Variants in SGCD observed in about 807,000 individuals in gnomAD.
SGCD encodes delta-sarcoglycan.
SGCD carries 18 observed loss-of-function variants against 36.6 expected under a neutral mutation model. The ratio of observed to expected loss-of-function variants is 0.49; its 90% CI spans 0.34 to 0.73. The LOEUF is 0.73. Among genes scored for constraint, SGCD ranks in the 30% least tolerant of loss-of-function variants. The pLI, the probability that SGCD is intolerant of heterozygous loss-of-function variation, is 0.01. For missense variants in SGCD, 387 were observed against 346.7 expected (o/e 1.12, Z -0.92); for synonymous variants, 133 against 130.6 (o/e 1.02, Z -0.12).
chr5:156,718,380 T>C (rs1412369999), intron 7 of SGCD, among the ~76,000 whole-genome samples: 2 of 152,202 alleles, frequency 1.3e-5, no homozygotes, highest in African/African-American at 4.8e-5. Flanking sequence ...CTGTAACTTG[T>C]TGGTTCAAAG....
intron 7 of SGCD, among the ~76,000 whole-genome samples, chr5:156,696,047 C>A (rs1455959782): frequency 6.6e-6 from 1 of 152,206 alleles, no homozygotes; most frequent in African/African-American, 2.4e-5. Flanking sequence ...CCATTTACAA[C>A]CTGTTCTGGG....
At chr5:156,084,466 C>T (rs1581089341) in intron 1 of SGCD, among the ~76,000 whole-genome samples, 1 of 152,114 alleles carries the variant, frequency 6.6e-6, no homozygotes, top group Admixed American at 6.6e-5. Flanking sequence ...CAAGTACCAA[C>T]CAGGCTAGAT....
At chr5:156,190,406 A>G (rs968870881) in intron 3 of SGCD, among the ~76,000 whole-genome samples, 4 of 152,132 alleles carry the variant, frequency 2.6e-5, no homozygotes, top group Non-Finnish European at 5.9e-5. Context: ...AACTGCTAAT[A>G]GTTGTTAACT....
intron 3 of SGCD, among the ~76,000 whole-genome samples, chr5:156,169,770 C>G (rs1160157284): frequency 6.6e-6 from 1 of 151,836 alleles, no homozygotes; most frequent in Non-Finnish European, 1.5e-5. Flanking sequence ...TGCAAAGGCT[C>G]TGAGGTTCCG....
chr5:155,780,029 G>A, the SGCD span, among the ~76,000 whole-genome samples: 1 of 152,192 alleles, frequency 6.6e-6, no homozygotes, highest in African/African-American at 2.4e-5. Context: ...TGAAAAAAAT[G>A]TTATTCTTAG....
chr5:156,059,020 T>C (rs985299313), intron 1 of SGCD, among the ~76,000 whole-genome samples: 1 of 146,326 alleles, frequency 6.8e-6, no homozygotes, highest in East Asian at 1.9e-4. Flanking sequence ...GCACTGCAAA[T>C]TGTAACAGCA....
chr5:156,019,470 G>T (rs113304688), intron 1 of SGCD, among the ~76,000 whole-genome samples: 1 of 152,062 alleles, frequency 6.6e-6, no homozygotes, highest in South Asian at 2.1e-4. Flanking sequence ...CTTTCATTTA[G>T]CAGGCAAAAT....
intron 6 of SGCD, among the ~76,000 whole-genome samples, chr5:156,610,513 T>G (rs2113457912): frequency 6.6e-6 from 1 of 152,390 alleles, no homozygotes; most frequent in Non-Finnish European, 1.5e-5. Flanking sequence ...GGGGGCAGTC[T>G]GTCCGTTCTC....
intron 1 of SGCD, among the ~76,000 whole-genome samples, chr5:155,992,660 A>G (rs1581031401): frequency 6.6e-6 from 1 of 152,302 alleles, no homozygotes; most frequent in Middle Eastern, 3.4e-3. Context: ...CACAACAAAC[A>G]TATCAAAAAT....
intron 1 of SGCD, among the ~76,000 whole-genome samples, chr5:156,112,290 C>CTTT (rs1385188856): frequency 6.6e-6 from 1 of 152,136 alleles, no homozygotes; most frequent in Non-Finnish European, 1.5e-5. Context: ...TTTCTTTAGA[C>CTTT]TTTAATGTTT....
intron 1 of SGCD, among the ~76,000 whole-genome samples, chr5:155,970,736 A>C (rs770687530): frequency 6.6e-6 from 1 of 152,164 alleles, no homozygotes; most frequent in Non-Finnish European, 1.5e-5. Flanking sequence ...TATGCTATGC[A>C]TCTGTGTGTG....
intron 4 of SGCD, among the ~76,000 whole-genome samples, chr5:156,580,323 C>T (rs764749127): frequency 2.7e-4 from 41 of 152,142 alleles, no homozygotes; most frequent in Non-Finnish European, 1.0e-4. Flanking sequence ...GTAACCCAAC[C>T]GTTCTCTTTG....
chr5:156,301,505 T>C (rs1767053548), intron 3 of SGCD, among the ~76,000 whole-genome samples: 1 of 152,130 alleles, frequency 6.6e-6, no homozygotes, highest in South Asian at 2.1e-4. Context: ...GATATGTTGA[T>C]TTTCGTCTTT....
At chr5:156,469,247 A>T (rs1754852537) in intron 3 of SGCD, among the ~76,000 whole-genome samples, 1 of 152,114 alleles carries the variant, frequency 6.6e-6, no homozygotes, top group South Asian at 2.1e-4. Flanking sequence ...CTGGAGTTGA[A>T]GTCCATAGCT....
At chr5:156,674,667 A>T (rs1753438886) in intron 7 of SGCD, among the ~76,000 whole-genome samples, 1 of 152,192 alleles carries the variant, frequency 6.6e-6, no homozygotes, top group Non-Finnish European at 1.5e-5. Flanking sequence ...GAAGATTCTA[A>T]GACTCAGGCT....
Position 156,766,918 on chromosome 5 carries a change from T to C in SGCD, c.*7528T>C, listed in dbSNP as rs962366601. ...ACACATATCTGGTCCTCTGGCAGGA[T>C]TGTGGATAGAGCTCCTCACCATACC... On this transcript the variant is annotated 3_prime_UTR_variant, in exon 9 of 9. Coordinates refer to ENST00000337851, the MANE Select transcript of SGCD (RefSeq NM_000337.6). 6.6e-6 allele frequency: 1 copy of C among 152,124 alleles called. No individual in the cohort carries two copies. Among genetic ancestry groups the C allele is most frequent in the Non-Finnish European group, 1.5e-5 (1 of 68,046 alleles). The allele number at this position is 152,124 out of a possible 1,614,324, so 9.4% of individuals were successfully genotyped here.
At chr5:156,441,598 T>C (rs1753493959) in intron 3 of SGCD, among the ~76,000 whole-genome samples, 1 of 152,196 alleles carries the variant, frequency 6.6e-6, no homozygotes, top group Non-Finnish European at 1.5e-5. Context: ...TGTGACTAAT[T>C]GAAAGATGAT....
intron 7 of SGCD, among the ~76,000 whole-genome samples, chr5:156,754,312 C>CTGTT (rs1450720445): frequency 6.6e-6 from 1 of 152,168 alleles, no homozygotes; most frequent in Non-Finnish European, 1.5e-5. Flanking sequence ...CCAAACTATT[C>CTGTT]TGTTTATATT....
intron 1 of SGCD, among the ~76,000 whole-genome samples, chr5:156,007,714 A>C (rs142504316): frequency 7.1e-4 from 108 of 152,336 alleles, no homozygotes; most frequent in African/African-American, 2.4e-3. Flanking sequence ...CAGAGCTAGC[A>C]TGCTAGTAAA....
Sources: allele counts gnomAD v4.1 joint callset (sites outside exome capture counted in the v4.1 genomes callset), GRCh38; gene constraint gnomAD v4.1.1; transcripts MANE v1.5; gene names NCBI Gene and HGNC (gene_info 2026-07-23, HGNC 2026-07-21).